CEP104: variants seen among roughly 807,000 people sequenced by gnomAD.
The protein encoded by CEP104 is centrosomal protein 104.
CEP104 carries 84 observed loss-of-function variants against 113.3 expected under a neutral mutation model. The observed-to-expected ratio is 0.74, with a 90% confidence interval of 0.62 to 0.89. The LOEUF (loss-of-function observed/expected upper bound fraction) is 0.89. Among genes scored for constraint, CEP104 ranks in the 40% least tolerant of loss-of-function variants. The pLI is 0.00. For missense variants in CEP104, 1,053 were observed against 1,156.6 expected (o/e 0.91, Z 1.30); for synonymous variants, 378 against 421.7 (o/e 0.90, Z 1.27).
chr1:3,847,435 G>A, intron 4 of CEP104, 40 bp downstream of exon 4: 1 of 1,525,154 alleles, frequency 6.6e-7, no homozygotes, highest in South Asian at 1.3e-5. Flanking sequence ...CCACAAAGAA[G>A]GTAGGGGCAG....
At chr1:3,840,975 T>C (rs1319520072) in intron 6 of CEP104, among the ~76,000 whole-genome samples, 2 of 152,188 alleles carry the variant, frequency 1.3e-5, no homozygotes, top group Non-Finnish European at 2.9e-5. Context: ...AAATAAGTGA[T>C]CTTTTGTAGT....
chr1:3,845,356 G>T lies in CEP104; in HGVS notation c.427-5C>A. On this transcript the variant is annotated splice_polypyrimidine_tract_variant and splice_region_variant and intron_variant, in intron 4 of 21. Transcript: ENST00000378230. ...ATTTATGGCAACCAAAGCAACCTAA[G>T]AAAGTGTTAAAATAACAGAATTAAA... The T allele has an allele frequency of 6.3e-7, 1 of 1,586,958 alleles. No homozygotes were observed. Among genetic ancestry groups the T allele is most frequent in the South Asian group, 1.1e-5 (1 of 89,300 alleles).
At chr1:3,841,361 G>C (rs1017967395) in intron 6 of CEP104, among the ~76,000 whole-genome samples, 1 of 152,142 alleles carries the variant, frequency 6.6e-6, no homozygotes. Flanking sequence ...CGGCTGGGAC[G>C]GCACCAGCAG....
intron 4 of CEP104, among the ~76,000 whole-genome samples, chr1:3,846,243 G>C (rs987827979): frequency 2.0e-5 from 3 of 152,156 alleles, no homozygotes; most frequent in African/African-American, 7.2e-5. Context: ...ACACAGCTCA[G>C]TTCCCAGTTG....
rs36051675 is a variant in CEP104, at chr1:3,836,468, GTTTTTTT to G, written c.1317+20_1317+26del. ...AGACTAGCCTCCCCTCTGCCACCCCGTTTTTTTTTTTTTTTTTTTTTTTTACCAAGGT... is the reference window on the plus strand; with the variant it reads ...AGACTAGCCTCCCCTCTGCCACCCCGTTTTTTTTTTTTTTTTTACCAAGGT... On this transcript the variant is annotated intron_variant, in intron 10 of 21. Coordinates refer to ENST00000378230, the MANE Select transcript of CEP104 (RefSeq NM_014704.4). 4.5e-5 allele frequency: 46 copies of G among 1,011,060 alleles called. No individual in the cohort carries two copies. The highest frequency in any genetic ancestry group is 7.4e-5 in the African/African-American group (3 of 40,504). 62.6% of individuals were successfully genotyped at this position (1,011,060 alleles called of 1,614,324 possible). A position where few individuals can be genotyped will look rare whatever the true frequency, so the allele number is the denominator to read the frequency against.
rs865849454 is a variant in CEP104 at position 3,825,921 on chromosome 1, C to T, written c.2256-55G>A. 3.9e-5 allele frequency: 45 copies of T among 1,159,882 alleles called. No individual in the cohort carries two copies. In the Middle Eastern group the frequency reaches 1.3e-3, roughly 34 times the overall value. 71.8% of individuals were successfully genotyped at this position (1,159,882 alleles called of 1,614,324 possible). On this transcript the variant is annotated intron_variant, in intron 17 of 21. Transcript: ENST00000378230. The stretch of plus-strand genomic sequence containing the variant: ...GTAAGGATCTAGTTCCACTGATGGC[C>T]GTTCCGCTCCCACGTCACGAGGAAA...
rs1292367168 is a variant in CEP104, at chr1:3,847,612, A to C, written c.289T>G (p.Tyr97Asp). The C allele has an allele frequency of 6.2e-7, 1 of 1,614,194 alleles. No homozygotes were observed. Among genetic ancestry groups the C allele is most frequent in the South Asian group, 1.1e-5 (1 of 91,072 alleles). ...YQAERFRRLGYVSLCDNEKTG... is the reference protein window; with the variant it reads ...YQAERFRRLGDVSLCDNEKTG... ...TTTTCATTATCACAGAGAGACACGT[A>C]GCTGAAAAACAAAACACAACTGAAG... The change falls in exon 4 of 22, where the codon TAC becomes GAC. Residue 97 changes from tyrosine (Y) to aspartate (D), a missense_variant and splice_region_variant. Tyr to Asp is a radical substitution (Grantham distance 160, BLOSUM62 -3). Coordinates refer to ENST00000378230, the MANE Select transcript of CEP104 (RefSeq NM_014704.4).
intron 2 of CEP104, among the ~76,000 whole-genome samples, chr1:3,850,281 C>T (rs185955679): frequency 4.0e-4 from 61 of 152,314 alleles, no homozygotes; most frequent in African/African-American, 1.4e-3. Context: ...ATCAAAAATA[C>T]CTTTCAAGCT....
Position 3,847,204 on chromosome 1 carries a change from G to A in CEP104, c.426+271C>T, listed in dbSNP as rs77163906. On this transcript the variant is annotated intron_variant, in intron 4 of 21. Transcript: ENST00000378230. ...CATAAAAGTTCTCATGAACTCTTTC[G>A]CGTTCTCCTTTTGTACTGAGTCTCT... Among the ~76,000 whole-genome samples the A allele has an allele frequency of 0.011, 1,636 of 152,148 alleles. 17 individuals carry two copies. The highest frequency in any genetic ancestry group is 0.015 in the Non-Finnish European group (1,024 of 68,004).
intron 4 of CEP104, among the ~76,000 whole-genome samples, chr1:3,845,975 A>T (rs546680473): frequency 6.7e-6 from 1 of 150,254 alleles, no homozygotes; most frequent in Non-Finnish European, 1.5e-5. Flanking sequence ...GCTACTCAGG[A>T]GGCTGAGGCA....
At chr1:3,837,917 G>A (rs536180326) in intron 8 of CEP104, among the ~76,000 whole-genome samples, 1 of 152,366 alleles carries the variant, frequency 6.6e-6, no homozygotes, top group South Asian at 2.1e-4. Flanking sequence ...TTCACTGTGT[G>A]TACAAAGGAA....
chr1:3,853,994 G>A (rs1333369141), intron 1 of CEP104, among the ~76,000 whole-genome samples: 5 of 152,150 alleles, frequency 3.3e-5, no homozygotes, highest in African/African-American at 7.2e-5. Flanking sequence ...TTAGCTGCAC[G>A]GCCCCACCTG....
intron 15 of CEP104, among the ~76,000 whole-genome samples, chr1:3,827,687 A>T (rs1644118923): frequency 6.6e-6 from 1 of 152,262 alleles, no homozygotes; most frequent in Non-Finnish European, 1.5e-5. Context: ...CAACAAAAAA[A>T]GAGAAAAATC....
intron 20 of CEP104, among the ~76,000 whole-genome samples, chr1:3,820,933 C>T (rs1411635378): frequency 6.6e-6 from 1 of 152,212 alleles, no homozygotes; most frequent in African/African-American, 2.4e-5. Context: ...AAAGGAGACA[C>T]AGATGTTGGG....
In CEP104 at chr1:3,831,201, C is replaced by G. The variant is rs902447074; in HGVS notation, c.1681G>C (p.Val561Leu). The G allele has an allele frequency of 1.2e-6, 2 of 1,613,430 alleles. No homozygotes were observed. The highest frequency in any genetic ancestry group is 4.5e-5 in the East Asian group (2 of 44,876). ...GATGGAATAATTTGGAGAGACTTAA[C>G]TTCTTTAAACAAGGCCATTTCCTAT... The part of the protein sequence containing the change: ...FIQEMALFKE[V>L]KSLQIIPSYL... The change falls in exon 13 of 22, where the codon GTT (valine) becomes CTT (leucine). Residue 561 changes from valine (V) to leucine (L), a missense_variant. Transcript: ENST00000378230.
At chr1:3,826,336 C>CATCG (rs1644090216) in intron 17 of CEP104, 34 bp downstream of exon 17, 1 of 1,595,672 alleles carries the variant, frequency 6.3e-7, no homozygotes, top group Non-Finnish European at 8.6e-7. Context: ...TTGCCCTGAC[C>CATCG]ATCGTACAAT....
intron 2 of CEP104, among the ~76,000 whole-genome samples, chr1:3,849,666 T>C (rs1458143345): frequency 1.3e-5 from 2 of 152,228 alleles, no homozygotes; most frequent in African/African-American, 4.8e-5. Context: ...CTGGCACAAA[T>C]TGGGAAACCA....
At position 3,823,657 on chromosome 1, in the gene CEP104, G is replaced by A. The variant is rs1443889621; in HGVS notation, c.2365-95C>T. The A allele has an allele frequency of 2.7e-6, 4 of 1,497,220 alleles. No individual in the cohort carries two copies. Among genetic ancestry groups the A allele is most frequent in the Non-Finnish European group, 3.7e-6 (4 of 1,087,894 alleles). The allele number at this position is 1,497,220 out of a possible 1,614,324, so 92.7% of individuals were successfully genotyped here. On this transcript the variant is annotated intron_variant, in intron 18 of 21. Coordinates refer to ENST00000378230, the MANE Select transcript of CEP104 (RefSeq NM_014704.4). The surrounding 1 kb of genome is among the most constrained non-coding windows in gnomAD (Gnocchi z 4.1). ...GCCTGTGAGCGCCTCCCCTGCCCAG[G>A]GAGGTCTGTGCCGCCTGCACATGAA... is the stretch of plus-strand genomic sequence containing the variant.
chr1:3,846,086 C>CAAAAAA (rs5772127), intron 4 of CEP104, among the ~76,000 whole-genome samples: 1 of 95,124 alleles, frequency 1.1e-5, no homozygotes, highest in African/African-American at 4.6e-5. Flanking sequence ...AACTCCGTCT[C>CAAAAAA]AAAAAAAAAA....
Sources: gnomAD v4.1 joint callset for allele counts (sites outside exome capture counted in the v4.1 genomes callset) on GRCh38, gnomAD v4.1.1 for gene constraint, Gnocchi (gnomAD v3.1) non-coding constraint, MANE v1.5 for transcripts, NCBI Gene and HGNC (gene_info 2026-07-23, HGNC 2026-07-21) for gene names.